CENPP: variants seen among roughly 807,000 people sequenced by gnomAD.
The protein encoded by CENPP is centromere protein P.
CENPP carries 24 observed loss-of-function variants against 35.6 expected under a neutral mutation model. The observed-to-expected ratio is 0.67, with a 90% CI of 0.49 to 0.95. CENPP has a LOEUF of 0.95. Among genes scored for constraint, CENPP ranks in the 40% least tolerant of loss-of-function variants. The pLI is 0.00. For synonymous variants in CENPP, 120 were observed against 125.5 expected (o/e 0.96, Z 0.29); for missense variants, 332 against 345.3 (o/e 0.96, Z 0.31).
intron 5 of CENPP, among the ~76,000 whole-genome samples, chr9:92,555,068 G>C (rs1484059154): frequency 6.6e-6 from 1 of 151,972 alleles, no homozygotes; most frequent in African/African-American, 2.4e-5. Context: ...GTATTAAGGT[G>C]ATGCTGGCTT....
At chr9:92,601,164 T>C (rs915437898) in intron 5 of CENPP, among the ~76,000 whole-genome samples, 2 of 152,194 alleles carry the variant, frequency 1.3e-5, no homozygotes, top group Non-Finnish European at 2.9e-5. Context: ...TTTCTGCTTG[T>C]ATCACTACAT....
intron 5 of CENPP, among the ~76,000 whole-genome samples, chr9:92,570,305 T>C (rs1021654030): frequency 2.1e-4 from 32 of 152,284 alleles, no homozygotes; most frequent in Non-Finnish European, 3.7e-4. Flanking sequence ...TGAATTTTGT[T>C]GAAGGCCTTT....
chr9:92,576,705 C>T (rs1240067106), intron 5 of CENPP, among the ~76,000 whole-genome samples: 1 of 152,022 alleles, frequency 6.6e-6, no homozygotes, highest in Non-Finnish European at 1.5e-5. Flanking sequence ...CATGTGTATA[C>T]ATAATGGCTT....
intron 4 of CENPP, among the ~76,000 whole-genome samples, chr9:92,357,625 G>T (rs1387916448): frequency 6.6e-6 from 1 of 151,864 alleles, no homozygotes; most frequent in Non-Finnish European, 1.5e-5. Flanking sequence ...CTCCCAAGTA[G>T]CTGGGATTAC....
At chr9:92,482,426 C>T (rs1029022419) in intron 5 of CENPP, 15 of 152,014 alleles carry the variant, frequency 9.9e-5, no homozygotes, top group African/African-American at 3.6e-4. Context: ...AAAAAAACAC[C>T]CTTCAACACA....
At chr9:92,458,616 T>C (rs1457312570) in intron 5 of CENPP, among the ~76,000 whole-genome samples, 2 of 152,178 alleles carry the variant, frequency 1.3e-5, no homozygotes, top group Non-Finnish European at 2.9e-5. Flanking sequence ...CTTCTGTTTG[T>C]GTTATAATTC....
chr9:92,421,287 C>G (rs1466456142), intron 5 of CENPP, among the ~76,000 whole-genome samples: 2 of 152,150 alleles, frequency 1.3e-5, no homozygotes, highest in African/African-American at 4.8e-5. Flanking sequence ...CAGTCTGCCC[C>G]CCTCAGCCTC....
At chr9:92,577,866 G>C (rs925644101) in intron 5 of CENPP, among the ~76,000 whole-genome samples, 4 of 151,480 alleles carry the variant, frequency 2.6e-5, no homozygotes, top group Non-Finnish European at 5.9e-5. Context: ...AGTTACATAT[G>C]TATACATGTG....
At chr9:92,533,322 A>ATATATGT (rs1233792688) in intron 5 of CENPP, among the ~76,000 whole-genome samples, 1 of 89,528 alleles carries the variant, frequency 1.1e-5, no homozygotes, top group African/African-American at 4.4e-5. Context: ...AAAAAAAAAA[A>ATATATGT]AAAAAAATAT....
At chr9:92,525,551 T>C (rs1003380959) in intron 5 of CENPP, among the ~76,000 whole-genome samples, 1 of 152,112 alleles carries the variant, frequency 6.6e-6, no homozygotes, top group African/African-American at 2.4e-5. Flanking sequence ...ATAATGTTTG[T>C]GGTGATGCTG....
At chr9:92,502,594 G>C (rs749051821) in intron 5 of CENPP, 1 of 1,608,970 alleles carries the variant, frequency 6.2e-7, no homozygotes, top group South Asian at 1.1e-5. Flanking sequence ...GATCTTTCTG[G>C]TATGATTGAA....
At position 92,422,276 on chromosome 9, in the gene CENPP, A is replaced by T. The variant is rs1248309938; in HGVS notation, c.564+42417A>T. 2.6e-5 allele frequency among the ~76,000 whole-genome samples: 4 copies of T among 151,902 alleles called. No individual in the cohort carries two copies. In the East Asian group the frequency reaches 7.7e-4, roughly 29 times the overall value. On this transcript the variant is annotated intron_variant, in intron 5 of 7. Coordinates refer to ENST00000375587, the MANE Select transcript of CENPP (RefSeq NM_001012267.3). ...GCCATGTTGGCCAGCCTGGTCTCGA[A>T]CTCCTGACCTCAGGTGATCCGCCCA...
At chr9:92,547,773 T>G (rs1849503436) in intron 5 of CENPP, among the ~76,000 whole-genome samples, 1 of 152,210 alleles carries the variant, frequency 6.6e-6, no homozygotes, top group Admixed American at 6.5e-5. Context: ...ACCATGGAAT[T>G]GTATATTTTA....
At position 92,416,043 on chromosome 9, in the gene CENPP, ATAT is replaced by A. The variant is rs1295457441; in HGVS notation, c.564+36188_564+36190del. On this transcript the variant is annotated intron_variant, in intron 5 of 7. Transcript: ENST00000375587. ...ATATATTTTTTATATATAAATAAATATATTATATATGTGTGTATATATATATAT... is the reference window on the plus strand; with the variant it reads ...ATATATTTTTTATATATAAATAAATATATATATGTGTGTATATATATATAT... Among the ~76,000 whole-genome samples the A allele has an allele frequency of 1.7e-4, 18 of 105,538 alleles. No individual in the cohort carries two copies. In the South Asian group the frequency reaches 4.7e-3, roughly 27 times the overall value. The allele number at this position is 105,538 out of a possible 152,430, so 69.2% of individuals were successfully genotyped here. A position where few individuals can be genotyped will look rare whatever the true frequency, so the allele number is the denominator to read the frequency against.
chr9:92,368,893 A>G (rs1841947428), intron 4 of CENPP, among the ~76,000 whole-genome samples: 1 of 152,012 alleles, frequency 6.6e-6, no homozygotes, highest in African/African-American at 2.4e-5. Flanking sequence ...GAAATTGAAA[A>G]ACATTTTCCA....
intron 5 of CENPP, among the ~76,000 whole-genome samples, chr9:92,555,779 T>C (rs1481334766): frequency 2.0e-5 from 3 of 152,216 alleles, no homozygotes; most frequent in African/African-American, 7.2e-5. Context: ...ATTTTCTCTC[T>C]TCTTTTCATC....
At chr9:92,406,644 C>A (rs1843316877) in intron 5 of CENPP, among the ~76,000 whole-genome samples, 1 of 152,174 alleles carries the variant, frequency 6.6e-6, no homozygotes, top group Admixed American at 6.5e-5. Flanking sequence ...TCTGGCACTG[C>A]AGCCTCACTT....
At chr9:92,466,364 C>T (rs1330072823) in intron 5 of CENPP, 31 of 1,592,746 alleles carry the variant, frequency 1.9e-5, no homozygotes, top group Admixed American at 5.0e-5. Context: ...TTACCCAAAA[C>T]GTGTAAAGCA....
intron 5 of CENPP, among the ~76,000 whole-genome samples, chr9:92,452,482 G>C (rs974927559): frequency 6.6e-6 from 1 of 152,186 alleles, no homozygotes; most frequent in African/African-American, 2.4e-5. Context: ...TTTTTGATGT[G>C]CTGCTGGATT....
Sources: allele counts gnomAD v4.1 joint callset (sites outside exome capture counted in the v4.1 genomes callset), GRCh38; gene constraint gnomAD v4.1.1; transcripts MANE v1.5; gene names NCBI Gene and HGNC (gene_info 2026-07-23, HGNC 2026-07-21).